APPL2: variants seen among roughly 807,000 people sequenced by gnomAD.
The protein encoded by APPL2 is DCC-interacting protein 13-beta.
A neutral mutation model predicts 92.7 loss-of-function variants in APPL2; 84 were observed. The observed-to-expected ratio is 0.91, with a 90% CI of 0.76 to 1.09. The LOEUF is 1.09. Among genes scored for constraint, APPL2 ranks in the 50% least tolerant of loss-of-function variants. APPL2 has a pLI of 0.00. For missense variants in APPL2, 736 were observed against 824.5 expected (o/e 0.89, Z 1.31); for synonymous variants, 291 against 291.0 (o/e 1.00, Z 0.00).
chr12:105,192,297 C>T (rs1887274243), intron 14 of APPL2, among the ~76,000 whole-genome samples: 1 of 152,162 alleles, frequency 6.6e-6, no homozygotes, highest in African/African-American at 2.4e-5. Context: ...GGGACGCCTC[C>T]TCACTGGCTA....
intron 5 of APPL2, among the ~76,000 whole-genome samples, chr12:105,210,513 CT>C (rs1889126784): frequency 6.6e-6 from 1 of 152,116 alleles, no homozygotes; most frequent in African/African-American, 2.4e-5. Context: ...TGTGGAGTCC[CT>C]TTTCTAACAT....
chr12:105,218,487 C>T (rs1889863347), intron 2 of APPL2, among the ~76,000 whole-genome samples: 1 of 152,194 alleles, frequency 6.6e-6, no homozygotes, highest in Admixed American at 6.5e-5. Flanking sequence ...GACAGACAGT[C>T]TCCAGGGAAC....
intron 17 of APPL2, among the ~76,000 whole-genome samples, chr12:105,183,070 C>CTTTTTTTTTTTTT (rs56345779): frequency 1.1e-5 from 1 of 88,404 alleles, no homozygotes; most frequent in Non-Finnish European, 2.1e-5. Flanking sequence ...GCAACCCCTG[C>CTTTTTTTTTTTTT]TTTTTTTTTT....
In APPL2 at chr12:105,177,243, G is replaced by C; in HGVS notation, c.1654C>G (p.Gln552Glu). 4 of 1,613,946 alleles carry C rather than the reference G, an allele frequency of 2.5e-6. No homozygotes were observed. The highest frequency in any genetic ancestry group is 3.4e-6 in the Non-Finnish European group (4 of 1,179,826). ...QSLRLIDPQT[Q>E]VSRANFELTS... Reference sequence around the variant, plus strand: ...GTACTTACATTGGCCCTTGATACTTGAGTCTGTGGATCTATCAACCTGAAA... The same window carrying C: ...GTACTTACATTGGCCCTTGATACTTCAGTCTGTGGATCTATCAACCTGAAA... The change falls in exon 18 of 21, where the codon CAA becomes GAA. Residue 552 changes from glutamine (Q) to glutamate (E), a missense_variant. Physicochemically the swap from Gln to Glu is conservative, Grantham distance 29. Coordinates refer to ENST00000258530, the MANE Select transcript of APPL2 (RefSeq NM_018171.5).
chr12:105,200,658 C>T (rs1189754093), intron 9 of APPL2, among the ~76,000 whole-genome samples: 1 of 152,202 alleles, frequency 6.6e-6, no homozygotes, highest in African/African-American at 2.4e-5. Context: ...TGAGAAATCA[C>T]AATTTAGAGG....
At chr12:105,233,183 G>A (rs1566106513) in intron 1 of APPL2, 11 of 985,432 alleles carry the variant, frequency 1.1e-5, no homozygotes, top group Non-Finnish European at 1.3e-5. Flanking sequence ...CACTGTACTG[G>A]AACTGTTGCC....
chr12:105,176,620 T>C (rs1010291479), intron 19 of APPL2, among the ~76,000 whole-genome samples: 5 of 152,222 alleles, frequency 3.3e-5, no homozygotes, highest in African/African-American at 1.2e-4. Context: ...CATTTCCTTA[T>C]ATCCCGACTA....
intron 4 of APPL2, among the ~76,000 whole-genome samples, chr12:105,211,847 G>A (rs902730891): frequency 9.2e-5 from 14 of 152,136 alleles, no homozygotes; most frequent in Admixed American, 7.2e-4. Context: ...ACGGCTAGGC[G>A]TGGTAGCTCA....
intron 8 of APPL2, among the ~76,000 whole-genome samples, chr12:105,205,785 G>A (rs1165727669): frequency 2.0e-5 from 3 of 152,240 alleles, no homozygotes; most frequent in African/African-American, 7.2e-5. Flanking sequence ...TCTGCCAGCT[G>A]TGATACTGCC....
intron 16 of APPL2, among the ~76,000 whole-genome samples, chr12:105,188,941 T>G (rs530988291): frequency 4.6e-5 from 7 of 152,348 alleles, no homozygotes; most frequent in African/African-American, 1.7e-4. Flanking sequence ...AGGAAGTCAG[T>G]CCTGGCTGCT....
At chr12:105,207,859 T>G (rs1385695632) in intron 7 of APPL2, 112 bp downstream of exon 7, 5 of 900,000 alleles carry the variant, frequency 5.6e-6, no homozygotes, top group African/African-American at 5.1e-5. Context: ...AGTCCATGTA[T>G]AGTTAAAAAA....
At chr12:105,216,681 G>A (rs1889723328) in intron 4 of APPL2, among the ~76,000 whole-genome samples, 1 of 152,230 alleles carries the variant, frequency 6.6e-6, no homozygotes. Context: ...AACGGAAGCA[G>A]TGTGGCCCTG....
chr12:105,182,879 G>A (rs557703864), intron 17 of APPL2, among the ~76,000 whole-genome samples: 1 of 152,178 alleles, frequency 6.6e-6, no homozygotes, highest in African/African-American at 2.4e-5. Flanking sequence ...ATTATTGTGT[G>A]GGAGTCTAAG....
chr12:105,191,169 T>G (rs1420318642), intron 14 of APPL2, among the ~76,000 whole-genome samples: 1 of 152,230 alleles, frequency 6.6e-6, no homozygotes, highest in Non-Finnish European at 1.5e-5. Context: ...GATGAAACAG[T>G]ACATAGGCTT....
At chr12:105,229,760 T>A in intron 1 of APPL2, 1 of 987,538 alleles carries the variant, frequency 1.0e-6, no homozygotes, top group Non-Finnish European at 1.2e-6. Flanking sequence ...GTACTACGAT[T>A]TCCTTGTTTC....
At chr12:105,215,952 G>A (rs1163304261) in intron 4 of APPL2, among the ~76,000 whole-genome samples, 4 of 152,090 alleles carry the variant, frequency 2.6e-5, no homozygotes, top group Non-Finnish European at 4.4e-5. Flanking sequence ...GTGTGAACCC[G>A]GGAGGTGGAG....
intron 1 of APPL2, 149 bp downstream of exon 1, chr12:105,235,810 G>T: frequency 1.9e-6 from 1 of 515,058 alleles, no homozygotes; most frequent in Non-Finnish European, 2.9e-6. Flanking sequence ...CCCCTCCTCA[G>T]CCCGAGAGAA....
At chr12:105,228,321 T>G (rs1294599964) in intron 2 of APPL2, among the ~76,000 whole-genome samples, 1 of 152,202 alleles carries the variant, frequency 6.6e-6, no homozygotes. Flanking sequence ...AGCATTTCGT[T>G]TATGTGTCGT....
At chr12:105,203,260 T>C (rs765916458) in intron 9 of APPL2, among the ~76,000 whole-genome samples, 2 of 152,214 alleles carry the variant, frequency 1.3e-5, no homozygotes, top group East Asian at 3.8e-4. Flanking sequence ...AAGACAGTGA[T>C]GTTGTATTTC....
Sources: allele counts gnomAD v4.1 joint callset (sites outside exome capture counted in the v4.1 genomes callset), GRCh38; gene constraint gnomAD v4.1.1; transcripts MANE v1.5; gene names NCBI Gene and HGNC (gene_info 2026-07-23, HGNC 2026-07-21).